VKORC1L1: variants seen among roughly 807,000 people sequenced by gnomAD.
The protein encoded by VKORC1L1 is vitamin K epoxide reductase complex subunit 1L1.
In VKORC1L1, 2 loss-of-function variants were observed where a neutral mutation model predicts 18.9. The ratio of observed to expected loss-of-function variants is 0.11; its 90% CI spans 0.04 to 0.33. The LOEUF (loss-of-function observed/expected upper bound fraction) is 0.33. Among genes scored for constraint, VKORC1L1 ranks in the 10% least tolerant of loss-of-function variants. The probability of loss-of-function intolerance (pLI) is 1.00; values close to 1 mark genes in which losing one functional copy is unlikely to be tolerated. For missense variants in VKORC1L1, 123 were observed against 224.1 expected, an observed-to-expected ratio of 0.55 and a Z score of 2.88; for synonymous variants, 96 against 100.0, an observed-to-expected ratio of 0.96 and a Z score of 0.24.
rs1789468369 is a variant in VKORC1L1 at position 65,909,690 on chromosome 7, T to TGTGTGTGTG, written c.194+36125_194+36126insGTGTGTGTG. ...AAGCTTCTAACTTTTGTTTTAGCCT[T>TGTGTGTGTG]TGTGTGTGTGTGTGTGTGTGTGTGT... On this transcript the variant is annotated intron_variant, in intron 1 of 2. Coordinates refer to ENST00000360768, the MANE Select transcript of VKORC1L1 (RefSeq NM_173517.6). Among the ~76,000 whole-genome samples, 554 of 123,838 alleles carry TGTGTGTGTG rather than the reference T, an allele frequency of 4.5e-3. 12 individuals carry two copies. Among genetic ancestry groups the TGTGTGTGTG allele is most frequent in the African/African-American group, 0.016 (507 of 31,742 alleles). The allele number at this position is 123,838 out of a possible 152,430, so 81.2% of individuals were successfully genotyped here. A position where few individuals can be genotyped will look rare whatever the true frequency, so the allele number is the denominator to read the frequency against.
chr7:65,875,246 A>G (rs959114756), intron 1 of VKORC1L1, among the ~76,000 whole-genome samples: 1 of 152,212 alleles, frequency 6.6e-6, no homozygotes, highest in Non-Finnish European at 1.5e-5. Context: ...CATTTAATAA[A>G]TGAATTTACA....
rs532628639 is a variant in VKORC1L1, at chr7:65,929,725, T to A, written c.195-18946T>A. ...ATATGGTTTTTTTTAACTTTACTTT[T>A]AAAAATTTTTTTTTGTAGAGACAGG... On this transcript the variant is annotated intron_variant, in intron 1 of 2. Coordinates refer to ENST00000360768, the MANE Select transcript of VKORC1L1 (RefSeq NM_173517.6). Among the ~76,000 whole-genome samples, 806 of 147,190 alleles carry A rather than the reference T, an allele frequency of 5.5e-3. 5 individuals are homozygous for A. The highest frequency in any genetic ancestry group is 0.014 in the African/African-American group (564 of 40,324).
chr7:65,888,555 GATCTGGCCTTGGACACCTGCCTTGGC>G (rs1161273447), intron 1 of VKORC1L1, among the ~76,000 whole-genome samples: 1 of 152,134 alleles, frequency 6.6e-6, no homozygotes, highest in Admixed American at 6.6e-5. Flanking sequence ...GCTGACTGCT[GATCTGGCCTTGGACACCTGCCTTGGC>G]CTCTTCTACC....
intron 1 of VKORC1L1, among the ~76,000 whole-genome samples, chr7:65,900,394 CA>C (rs546873103): frequency 0.012 from 1,471 of 118,478 alleles, 18 homozygotes; most frequent in African/African-American, 0.037. Flanking sequence ...GGCTCTATCT[CA>C]AAAAAAAAAA....
At chr7:65,953,979 ACACTGCAG>A in intron 2 of VKORC1L1, 87 bp from the exon 3 acceptor site, 1 of 1,126,694 alleles carries the variant, frequency 8.9e-7, no homozygotes, top group Non-Finnish European at 1.3e-6. Flanking sequence ...CAGTATTCAA[ACACTGCAG>A]CAAGTCACAC....
chr7:65,921,920 T>C (rs1213508516), intron 1 of VKORC1L1, among the ~76,000 whole-genome samples: 1 of 152,100 alleles, frequency 6.6e-6, no homozygotes, highest in African/African-American at 2.4e-5. Flanking sequence ...ACTCCTGGCC[T>C]CGGGGATTCT....
At chr7:65,890,200 G>A (rs1291839629) in intron 1 of VKORC1L1, among the ~76,000 whole-genome samples, 4 of 146,236 alleles carry the variant, frequency 2.7e-5, no homozygotes, top group Admixed American at 1.4e-4. Context: ...GTGTGATCTC[G>A]GCTTACTGCA....
At chr7:65,942,076 T>C (rs536291583) in intron 1 of VKORC1L1, among the ~76,000 whole-genome samples, 6 of 152,162 alleles carry the variant, frequency 3.9e-5, no homozygotes, top group Non-Finnish European at 8.8e-5. Flanking sequence ...ATAAAAAGTA[T>C]TTTTAAAAAG....
At chr7:65,941,740 G>A (rs1483172734) in intron 1 of VKORC1L1, among the ~76,000 whole-genome samples, 1 of 132,760 alleles carries the variant, frequency 7.5e-6, no homozygotes, top group African/African-American at 2.8e-5. Flanking sequence ...GCAGTGGCGT[G>A]ATCTCGGCTC....
intron 1 of VKORC1L1, among the ~76,000 whole-genome samples, chr7:65,909,300 G>A (rs1789460633): frequency 6.6e-6 from 1 of 151,532 alleles, no homozygotes; most frequent in African/African-American, 2.4e-5. Context: ...ACTTTCAAGT[G>A]ACAATATAAA....
rs192930882 is a variant in VKORC1L1, at chr7:65,909,221, C to G, written c.194+35656C>G. On this transcript the variant is annotated intron_variant, in intron 1 of 2. Transcript: ENST00000360768. ...CTGGTCTCAAACTCCTCACCTCAAG[C>G]GATCCACCCACCTCGGCCTCCCAAA... Among the ~76,000 whole-genome samples, 1,350 of 149,172 alleles carry G rather than the reference C, an allele frequency of 9.0e-3. 22 individuals are homozygous for G. Among genetic ancestry groups the G allele is most frequent in the African/African-American group, 0.03 (1,214 of 40,568 alleles).
At chr7:65,929,639 GAT>G (rs145751275) in intron 1 of VKORC1L1, among the ~76,000 whole-genome samples, 26 of 138,112 alleles carry the variant, frequency 1.9e-4, no homozygotes, top group South Asian at 9.5e-4. Flanking sequence ...AAATGCTACT[GAT>G]ATATATATAT....
intron 1 of VKORC1L1, among the ~76,000 whole-genome samples, chr7:65,927,533 A>G (rs1231868283): frequency 6.6e-6 from 1 of 152,136 alleles, no homozygotes; most frequent in African/African-American, 2.4e-5. Context: ...GCGAAAAGTG[A>G]GACTTTGAAT....
intron 1 of VKORC1L1, among the ~76,000 whole-genome samples, chr7:65,897,371 G>A (rs540638365): frequency 2.6e-5 from 4 of 152,278 alleles, no homozygotes; most frequent in South Asian, 2.1e-4. Flanking sequence ...AGCTACTTCC[G>A]TATATTAATG....
intron 1 of VKORC1L1, among the ~76,000 whole-genome samples, chr7:65,873,870 G>T (rs1271576632): frequency 1.3e-5 from 2 of 152,084 alleles, no homozygotes; most frequent in Non-Finnish European, 2.9e-5. Flanking sequence ...CTGGGGCCCG[G>T]CTGTGCAGGA....
At chr7:65,893,084 A>G (rs1440200491) in intron 1 of VKORC1L1, among the ~76,000 whole-genome samples, 1 of 152,240 alleles carries the variant, frequency 6.6e-6, no homozygotes, top group African/African-American at 2.4e-5. Context: ...GTCTCCCATC[A>G]AGCCAAACAT....
chr7:65,874,705 C>A (rs570852792), intron 1 of VKORC1L1, among the ~76,000 whole-genome samples: 9 of 152,158 alleles, frequency 5.9e-5, no homozygotes, highest in Non-Finnish European at 8.8e-5. Context: ...ACTCGGGAGG[C>A]TGAGGCAGGA....
intron 1 of VKORC1L1, among the ~76,000 whole-genome samples, chr7:65,909,036 G>A (rs1337926498): frequency 6.7e-6 from 1 of 149,680 alleles, no homozygotes; most frequent in African/African-American, 2.4e-5. Context: ...TTGGGAGGCC[G>A]AGGTGGTTGG....
chr7:65,873,427 G>A lies in VKORC1L1; in HGVS notation c.56G>A (p.Arg19Gln). ...VSVPRWERVA[R>Q]YAVCAAGILL... Reference sequence around the variant, plus strand: ...GTGCCGCGGTGGGAGCGGGTGGCCCGGTATGCAGTGTGCGCTGCCGGAATC... The same window carrying A: ...GTGCCGCGGTGGGAGCGGGTGGCCCAGTATGCAGTGTGCGCTGCCGGAATC... The change falls in exon 1 of 3, where the codon CGG (arginine) becomes CAG (glutamine). Residue 19 changes from arginine (R) to glutamine (Q), a missense_variant. Coordinates refer to ENST00000360768, the MANE Select transcript of VKORC1L1 (RefSeq NM_173517.6). The A allele has an allele frequency of 6.3e-7, 1 of 1,590,886 alleles. No individual in the cohort carries two copies. Among genetic ancestry groups the A allele is most frequent in the Non-Finnish European group, 8.5e-7 (1 of 1,171,238 alleles).
Sources: gnomAD v4.1 joint callset for allele counts (sites outside exome capture counted in the v4.1 genomes callset) on GRCh38, gnomAD v4.1.1 for gene constraint, MANE v1.5 for transcripts, NCBI Gene and HGNC (gene_info 2026-07-23, HGNC 2026-07-21) for gene names.